ABCA13: variants seen among roughly 807,000 people sequenced by gnomAD.
ABCA13 encodes ATP-binding cassette sub-family A member 13.
In ABCA13, 476 loss-of-function variants were observed where a neutral mutation model predicts 478.7. The observed-to-expected ratio is 0.99, with a 90% CI of 0.92 to 1.07. The LOEUF is 1.07. Ranked by LOEUF, ABCA13 falls within the 50% of genes least tolerant of loss-of-function variation. ABCA13 has a pLI of 0.00. For synonymous variants in ABCA13, 2,252 were observed against 2,158.9 expected, an observed-to-expected ratio of 1.04 and a Z score of -1.20; for missense variants, 6,060 against 5,910.6, an observed-to-expected ratio of 1.03 and a Z score of -0.83.
chr7:48,260,129 C>T (rs1392701464), intron 15 of ABCA13, among the ~76,000 whole-genome samples: 1 of 151,972 alleles, frequency 6.6e-6, no homozygotes, highest in Non-Finnish European at 1.5e-5. Context: ...CCATTTCAGC[C>T]TGGTTAAGAA....
chr7:48,638,908 C>A (rs796322048), intron 59 of ABCA13, among the ~76,000 whole-genome samples: 33 of 152,306 alleles, frequency 2.2e-4, no homozygotes, highest in African/African-American at 7.7e-4. Context: ...CTGCTTCAGG[C>A]TGGAGTTTTG....
At chr7:48,237,392 A>G (rs1790130095) in intron 8 of ABCA13, among the ~76,000 whole-genome samples, 1 of 152,170 alleles carries the variant, frequency 6.6e-6, no homozygotes, top group African/African-American at 2.4e-5. Context: ...GAGGGGATTC[A>G]TCTTAGGGAG....
At chr7:48,224,386 C>T (rs1181398380) in intron 5 of ABCA13, among the ~76,000 whole-genome samples, 1 of 152,106 alleles carries the variant, frequency 6.6e-6, no homozygotes, top group Admixed American at 6.5e-5. Flanking sequence ...GGTCCAACTT[C>T]CCCCAGCAAT....
At chr7:48,601,599 C>G (rs2131482527) in intron 58 of ABCA13, among the ~76,000 whole-genome samples, 1 of 152,312 alleles carries the variant, frequency 6.6e-6, no homozygotes, top group African/African-American at 2.4e-5. Context: ...ATATGTACCA[C>G]ATTTTCTTTA....
Position 48,359,625 on chromosome 7 carries a change from G to A in ABCA13, c.10688+7138G>A, listed in dbSNP as rs182612138. 2.0e-4 allele frequency among the ~76,000 whole-genome samples: 31 copies of A among 152,068 alleles called. 1 individual carries two copies. In the South Asian group the frequency reaches 2.5e-3, roughly 12 times the overall value. ...CTGGGCAGTAGTGGTGATGGAGGCC[G>A]GTGGAGAGGGGCAGAAGCAGGGAAG... is the stretch of plus-strand genomic sequence containing the variant. On this transcript the variant is annotated intron_variant, in intron 31 of 61. Transcript: ENST00000435803.
chr7:48,376,361 G>T (rs549494814), intron 34 of ABCA13, 80 bp from the exon 35 acceptor site: 187 of 1,519,382 alleles, frequency 1.2e-4, no homozygotes, highest in Middle Eastern at 1.1e-3. Context: ...TGAGCTTCCA[G>T]AAGTAATGAA....
chr7:48,367,974 T>G (rs1400981408), intron 32 of ABCA13, 66 bp downstream of exon 32: 5 of 1,295,562 alleles, frequency 3.9e-6, no homozygotes, highest in African/African-American at 1.5e-5. Context: ...GAAATGGATC[T>G]TGTCCCATAA....
At chr7:48,261,303 A>T (rs988146796) in intron 15 of ABCA13, among the ~76,000 whole-genome samples, 8 of 151,984 alleles carry the variant, frequency 5.3e-5, no homozygotes, top group Non-Finnish European at 1.2e-4. Flanking sequence ...CTAATTTTTC[A>T]ATGTAGCTTC....
At chr7:48,404,947 G>A (rs887827783) in intron 39 of ABCA13, among the ~76,000 whole-genome samples, 1 of 152,246 alleles carries the variant, frequency 6.6e-6, no homozygotes, top group Admixed American at 6.5e-5. Flanking sequence ...TCCACTCTGG[G>A]CTTTGGCCTG....
chr7:48,383,456 T>C (rs1359199141), intron 35 of ABCA13, among the ~76,000 whole-genome samples: 1 of 152,268 alleles, frequency 6.6e-6, no homozygotes, highest in Non-Finnish European at 1.5e-5. Context: ...TTTATCTTTG[T>C]ACGACTTCCA....
At chr7:48,568,185 T>G (rs1353382556) in intron 55 of ABCA13, among the ~76,000 whole-genome samples, 1 of 152,110 alleles carries the variant, frequency 6.6e-6, no homozygotes, top group Non-Finnish European at 1.5e-5. Context: ...TCATTCTCCA[T>G]TGCGTCCCCC....
At chr7:48,436,964 C>T (rs990752350) in intron 42 of ABCA13, among the ~76,000 whole-genome samples, 10 of 151,740 alleles carry the variant, frequency 6.6e-5, no homozygotes, top group Middle Eastern at 3.4e-3. Flanking sequence ...GAGAATGTTT[C>T]GTATACACTT....
chr7:48,547,933 C>A lies in ABCA13; in HGVS notation c.14354+19588C>A, dbSNP rs757680470. 1.3e-4 allele frequency among the ~76,000 whole-genome samples: 20 copies of A among 151,924 alleles called. 1 individual carries two copies. Among genetic ancestry groups the A allele is most frequent in the Non-Finnish European group, 2.5e-4 (17 of 67,850 alleles). The stretch of plus-strand genomic sequence containing the variant: ...TTACAATAGGTTTATTGGGATGTAA[C>A]CCCATCCTAAGTTGAGAAGCATTTG... On this transcript the variant is annotated intron_variant, in intron 55 of 61. Transcript: ENST00000435803.
intron 20 of ABCA13, among the ~76,000 whole-genome samples, chr7:48,292,215 A>G (rs569937531): frequency 7.9e-5 from 12 of 151,928 alleles, no homozygotes; most frequent in Non-Finnish European, 1.5e-4. Flanking sequence ...TCATCTTTCC[A>G]TGTAATTTTT....
At chr7:48,557,169 G>A (rs1785919610) in intron 55 of ABCA13, among the ~76,000 whole-genome samples, 1 of 151,966 alleles carries the variant, frequency 6.6e-6, no homozygotes, top group Non-Finnish European at 1.5e-5. Context: ...AAAAGTTATT[G>A]TAGTTATTAT....
rs1412038426 is a variant in ABCA13, at chr7:48,279,393, T to C, written c.8199T>C (p.Ser2733=). 6.3e-7 allele frequency: 1 copy of C among 1,598,814 alleles called. No individual in the cohort carries two copies. Among genetic ancestry groups the C allele is most frequent in the Non-Finnish European group, 8.5e-7 (1 of 1,171,172 alleles). ...CACAAAACAGCACAGAAATAGGATC[T>C]TTCTTGAAAATGGTGATCTGTCTCA... is the stretch of plus-strand genomic sequence containing the variant. ...ILSQNSTEIG[S]FLKMVICLTL... is the part of the protein sequence containing the mutation. The change falls in exon 18 of 62, where the codon TCT becomes TCC. Residue 2733 remains serine, a synonymous_variant. Transcript: ENST00000435803.
At chr7:48,348,776 T>G (rs1808491197) in intron 29 of ABCA13, among the ~76,000 whole-genome samples, 1 of 152,260 alleles carries the variant, frequency 6.6e-6, no homozygotes, top group Non-Finnish European at 1.5e-5. Flanking sequence ...ACTGGCTCTT[T>G]CAGAGCCCTA....
At position 48,455,143 on chromosome 7, in the gene ABCA13, G is replaced by C. The variant is rs1253788632; in HGVS notation, c.12672G>C (p.Lys4224Asn). 26 of 1,575,612 alleles carry C rather than the reference G, an allele frequency of 1.7e-5. No individual in the cohort carries two copies. Among genetic ancestry groups the C allele is most frequent in the Non-Finnish European group, 2.2e-5 (25 of 1,161,070 alleles). The change falls in exon 43 of 62, where the codon AAG (lysine) becomes AAC (asparagine). Residue 4224 changes from lysine (K) to asparagine (N), a missense_variant. Physicochemically the swap from Lys to Asn is moderately conservative, Grantham distance 94 (BLOSUM62 0). This residue lies in a region of ABCA13 where 1,627 missense variants were observed against 1,571.0 expected (regional missense o/e 1.04). Coordinates refer to ENST00000435803, the MANE Select transcript of ABCA13 (RefSeq NM_152701.5). ...RRLRRTLRAG[K>N]STLADLLLPV... is the part of the protein sequence containing the mutation. ...TCCGCCGCACGCTGCGCGCCGGGAA[G>C]AGCACCCTCGCCGACCTGCTGCTGC...
intron 48 of ABCA13, 56 bp from the exon 49 acceptor site, chr7:48,506,280 G>A: frequency 6.4e-7 from 1 of 1,565,122 alleles, no homozygotes; most frequent in South Asian, 1.1e-5. Flanking sequence ...TAGATGAGCT[G>A]CGATTCACCA....
Sources: allele counts gnomAD v4.1 joint callset (sites outside exome capture counted in the v4.1 genomes callset), GRCh38; gene constraint gnomAD v4.1.1; regional missense constraint gnomAD v4.1.1; transcripts MANE v1.5; gene names NCBI Gene and HGNC (gene_info 2026-07-23, HGNC 2026-07-21).